The following ASPH variants were observed in gnomAD, a reference collection of about 807,000 sequenced individuals.
The protein encoded by ASPH is aspartate beta-hydroxylase.
Under a neutral mutation model 118.4 loss-of-function variants are expected in ASPH, and 100 were observed. That is an observed-to-expected ratio of 0.84 (90% confidence interval 0.72 to 1.00). ASPH has a LOEUF of 1.00. ASPH is among the 50% of genes least tolerant of loss of function. The pLI is 0.00. For synonymous variants in ASPH, 315 were observed against 325.6 expected (o/e 0.97, Z 0.35); for missense variants, 920 against 919.5 (o/e 1.00, Z -0.01).
rs991388933 is a variant in ASPH at position 61,651,086 on chromosome 8, G to C, written c.454C>G (p.Gln152Glu). The part of the protein sequence containing the change: ...NIEDEAKEQI[Q>E]SLLHEMVHAE... The stretch of plus-strand genomic sequence containing the variant: ...TGTACCATTTCATGGAGAAGGGACT[G>C]AATTTGTTCTTTTGCTTCATCTTCG... The change falls in exon 5 of 25, where the codon CAG becomes GAG. Residue 152 changes from glutamine (Q) to glutamate (E), a missense_variant. Transcript: ENST00000379454. The C allele has an allele frequency of 2.5e-6, 4 of 1,613,660 alleles. No individual in the cohort carries two copies. The African/African-American group carries it at 5.3e-5, about 22-fold the overall frequency.
intron 16 of ASPH, among the ~76,000 whole-genome samples, chr8:61,572,388 C>T (rs1405482038): frequency 2.0e-5 from 3 of 152,206 alleles, no homozygotes; most frequent in African/African-American, 7.2e-5. Context: ...GTTCCAGGCT[C>T]TGTGAATCCA....
intron 22 of ASPH, among the ~76,000 whole-genome samples, chr8:61,519,039 G>C (rs1811979187): frequency 6.6e-6 from 1 of 152,180 alleles, no homozygotes; most frequent in Non-Finnish European, 1.5e-5. Context: ...ACTTGAGCTT[G>C]CCGAATAGCA....
rs1172646054 is a variant in ASPH, at chr8:61,502,696, G to A, written c.*663C>T. ...TCCACCACTAGCATAGTGAGAAGAG[G>A]ATCTCAATCAAGATAAAAAAAACCA... On this transcript the variant is annotated 3_prime_UTR_variant, in exon 25 of 25. Coordinates refer to ENST00000379454, the MANE Select transcript of ASPH (RefSeq NM_004318.4). The A allele has an allele frequency of 2.0e-5, 3 of 152,266 alleles. No homozygotes were observed. Among genetic ancestry groups the A allele is most frequent in the South Asian group, 2.1e-4 (1 of 4,820 alleles). The allele number at this position is 152,266 out of a possible 1,614,324, so 9.4% of individuals were successfully genotyped here.
intron 21 of ASPH, among the ~76,000 whole-genome samples, chr8:61,545,635 G>T (rs189453835): frequency 3.9e-5 from 6 of 152,296 alleles, no homozygotes; most frequent in African/African-American, 1.4e-4. Flanking sequence ...TGAATGGCAA[G>T]AAAAAGAGAA....
chr8:61,612,390 T>C (rs1485251865), intron 14 of ASPH, among the ~76,000 whole-genome samples: 1 of 151,414 alleles, frequency 6.6e-6, no homozygotes, highest in Non-Finnish European at 1.5e-5. Flanking sequence ...TTTTTTTTTT[T>C]TGAGCCAAAG....
chr8:61,638,235 C>G (rs1858759030), intron 11 of ASPH, 87 bp downstream of exon 11: 9 of 1,487,806 alleles, frequency 6.0e-6, no homozygotes, highest in Non-Finnish European at 8.2e-6. Context: ...TTTTTCTACA[C>G]TGACTCTTTG....
intron 21 of ASPH, among the ~76,000 whole-genome samples, chr8:61,533,810 A>T (rs1293258978): frequency 1.3e-5 from 2 of 152,186 alleles, no homozygotes; most frequent in African/African-American, 2.4e-5. Flanking sequence ...TCAAAATTAC[A>T]CGCTGACACT....
intron 8 of ASPH, among the ~76,000 whole-genome samples, 196 bp from the exon 9 acceptor site, chr8:61,643,629 T>G (rs1436362515): frequency 2.0e-5 from 3 of 152,078 alleles, no homozygotes; most frequent in African/African-American, 7.3e-5. Context: ...AGAGTAGAAA[T>G]GGGATTTGTA....
At chr8:61,617,713 A>C (rs2150476378) in intron 14 of ASPH, among the ~76,000 whole-genome samples, 1 of 152,130 alleles carries the variant, frequency 6.6e-6, no homozygotes, top group East Asian at 1.9e-4. Context: ...GGAGGATTAC[A>C]ACAAGGCCAG....
chr8:61,661,964 AT>A (rs1437637237), intron 3 of ASPH: 6 of 438,568 alleles, frequency 1.4e-5, no homozygotes, highest in East Asian at 3.4e-5. Flanking sequence ...TAAAAAAAAA[AT>A]TCAAAAGAGT....
At chr8:61,530,318 T>C (rs1586622811) in intron 21 of ASPH, among the ~76,000 whole-genome samples, 1 of 152,362 alleles carries the variant, frequency 6.6e-6, no homozygotes, top group East Asian at 1.9e-4. Flanking sequence ...AAAGAGACTT[T>C]AGAAAGCACA....
intron 3 of ASPH, chr8:61,663,801 T>G: frequency 6.1e-6 from 6 of 981,214 alleles, no homozygotes; most frequent in Non-Finnish European, 7.3e-6. Flanking sequence ...TTCTATTGAG[T>G]TGAAGTTTCT....
chr8:61,550,792 C>G (rs1825727035), intron 20 of ASPH, among the ~76,000 whole-genome samples: 2 of 152,230 alleles, frequency 1.3e-5, no homozygotes, highest in African/African-American at 2.4e-5. Flanking sequence ...CAGGTTCTCA[C>G]AGCTATCATT....
intron 15 of ASPH, among the ~76,000 whole-genome samples, chr8:61,581,024 A>C (rs746473829): frequency 1.3e-5 from 2 of 152,238 alleles, no homozygotes; most frequent in African/African-American, 2.4e-5. Context: ...TCAGACTTAA[A>C]ACATAAGAAT....
intron 21 of ASPH, among the ~76,000 whole-genome samples, chr8:61,527,161 C>T (rs371138906): frequency 6.6e-6 from 1 of 151,984 alleles, no homozygotes; most frequent in Non-Finnish European, 1.5e-5. Flanking sequence ...AGGTTACAAA[C>T]CAAAAAACAG....
intron 13 of ASPH, chr8:61,625,931 C>T (rs1206764425): frequency 3.0e-5 from 32 of 1,080,562 alleles, no homozygotes; most frequent in Non-Finnish European, 3.6e-5. Flanking sequence ...TGCTACATCA[C>T]CAATATAATT....
chr8:61,710,618 A>G (rs993151472), intron 1 of ASPH, among the ~76,000 whole-genome samples: 6 of 152,222 alleles, frequency 3.9e-5, no homozygotes, highest in Non-Finnish European at 8.8e-5. Context: ...CAGGATGGAC[A>G]AAATGCTGTT....
intron 10 of ASPH, among the ~76,000 whole-genome samples, chr8:61,640,124 C>T (rs988404000): frequency 2.6e-5 from 4 of 152,198 alleles, no homozygotes; most frequent in Non-Finnish European, 4.4e-5. Context: ...GTTTTCAGCA[C>T]TCATCTCACA....
intron 6 of ASPH, among the ~76,000 whole-genome samples, chr8:61,645,524 G>A (rs1468877406): frequency 2.6e-5 from 4 of 152,106 alleles, no homozygotes; most frequent in African/African-American, 9.7e-5. Context: ...CTCAGAAACT[G>A]GAAACCTTGT....
Sources: allele counts gnomAD v4.1 joint callset (sites outside exome capture counted in the v4.1 genomes callset), GRCh38; gene constraint gnomAD v4.1.1; transcripts MANE v1.5; gene names NCBI Gene and HGNC (gene_info 2026-07-23, HGNC 2026-07-21).